The following PELP1 variants were observed in gnomAD, a reference collection of about 807,000 sequenced individuals.
PELP1 encodes proline, glutamate and leucine rich protein 1.
PELP1 carries 32 observed loss-of-function variants against 95.5 expected under a neutral mutation model. That is an observed-to-expected ratio of 0.34 (90% CI 0.25 to 0.45). The LOEUF (loss-of-function observed/expected upper bound fraction) is 0.45, where lower values mean the gene tolerates loss of function less well. Ranked by LOEUF, PELP1 falls within the 20% of genes least tolerant of loss-of-function variation. PELP1 has a pLI of 1.00. For missense variants in PELP1, 1,358 were observed against 1,444.8 expected (o/e 0.94, Z 0.97); for synonymous variants, 668 against 600.1 (o/e 1.11, Z -1.65).
chr17:4,682,800 C>CA lies in PELP1; in HGVS notation c.570+2dup. 6.4e-7 allele frequency: 1 copy of CA among 1,564,182 alleles called. No homozygotes were observed. Among genetic ancestry groups the CA allele is most frequent in the Non-Finnish European group, 8.6e-7 (1 of 1,158,938 alleles). Reference sequence around the variant, plus strand: ...TGGGGAAGGGTCCAGGGAGACATCTCACCTCTGGCCTGAGGCCCAGCAGGG... The same window carrying CA: ...TGGGGAAGGGTCCAGGGAGACATCTCAACCTCTGGCCTGAGGCCCAGCAGGG... On this transcript the variant is annotated splice_region_variant and intron_variant, in intron 4 of 16. Coordinates refer to ENST00000572293, the MANE Select transcript of PELP1 (RefSeq NM_014389.3).
At chr17:4,700,496 T>C (rs1021492142) in intron 1 of PELP1, among the ~76,000 whole-genome samples, 5 of 151,914 alleles carry the variant, frequency 3.3e-5, no homozygotes, top group African/African-American at 4.8e-5. Context: ...AATACAAAAT[T>C]AGCTGGGTAT....
At chr17:4,699,366 C>G (rs1362030627) in intron 1 of PELP1, among the ~76,000 whole-genome samples, 1 of 151,212 alleles carries the variant, frequency 6.6e-6, no homozygotes, top group African/African-American at 2.4e-5. Flanking sequence ...GGCAACAAAG[C>G]AAGACTCCAT....
rs1349995999 is a variant in PELP1 at position 4,674,791 on chromosome 17, G to A, written c.1422+18C>T. The A allele has an allele frequency of 1.2e-6, 2 of 1,604,262 alleles. No individual in the cohort carries two copies. Among genetic ancestry groups the A allele is most frequent in the Admixed American group, 1.7e-5 (1 of 59,356 alleles). ...AGGGCACAGGATGAGTCCTAAGGCG[G>A]AGCTGAGGCCTCCTCACCTTAAGGG... On this transcript the variant is annotated intron_variant, in intron 12 of 16. Coordinates refer to ENST00000572293, the MANE Select transcript of PELP1 (RefSeq NM_014389.3).
At chr17:4,689,651 A>C (rs994244244) in intron 3 of PELP1, among the ~76,000 whole-genome samples, 1 of 152,234 alleles carries the variant, frequency 6.6e-6, no homozygotes, top group African/African-American at 2.4e-5. Flanking sequence ...ACCCTTGCGC[A>C]CAATATTTTA....
chr17:4,679,965 C>G (rs1597449529), intron 5 of PELP1, among the ~76,000 whole-genome samples: 1 of 152,202 alleles, frequency 6.6e-6, no homozygotes, highest in East Asian at 1.9e-4. Flanking sequence ...CGATGGAACT[C>G]TGACTCACAG....
rs539882972 is a variant in PELP1, at chr17:4,687,372, A to G, written c.420+3516T>C. 2.6e-5 allele frequency among the ~76,000 whole-genome samples: 4 copies of G among 152,212 alleles called. No homozygotes were observed. The East Asian group carries it at 5.8e-4, about 22-fold the overall frequency. Reference sequence around the variant, plus strand: ...ATCCTGACTAACATGGTGAAACCCCATCTCTACGAAAAATACAAAAAATTA... The same window carrying G: ...ATCCTGACTAACATGGTGAAACCCCGTCTCTACGAAAAATACAAAAAATTA... On this transcript the variant is annotated intron_variant, in intron 3 of 16. Coordinates refer to ENST00000572293, the MANE Select transcript of PELP1 (RefSeq NM_014389.3).
rs1235247320 is a variant in PELP1, at chr17:4,675,490, C to A, written c.1069-128G>T. ...AAACCCAACCCCTGATCTCAGCTCT[C>A]CCAACAAAATCAAACCCCTATCCTC... On this transcript the variant is annotated intron_variant, in intron 9 of 16. Transcript: ENST00000572293. The surrounding 1 kb of genome is among the most constrained non-coding windows in gnomAD (Gnocchi z 4.3). The A allele has an allele frequency of 1.4e-6, 1 of 736,614 alleles. No individual in the cohort carries two copies. 45.6% of individuals were successfully genotyped at this position (736,614 alleles called of 1,614,324 possible).
Position 4,672,704 on chromosome 17 carries a change from G to A in PELP1, c.2287C>T (p.Pro763Ser). The A allele has an allele frequency of 6.2e-7, 1 of 1,613,430 alleles. No homozygotes were observed. Among genetic ancestry groups the A allele is most frequent in the Non-Finnish European group, 8.5e-7 (1 of 1,179,692 alleles). ...DETFGGRVPR[P>S]AFVHYDKEEA... is the part of the protein sequence containing the mutation. Reference sequence around the variant, plus strand: ...TCCTTGTCATAGTGGACAAAGGCTGGTCTGGGCACTCTCCCCCCAAAAGTT... The same window carrying A: ...TCCTTGTCATAGTGGACAAAGGCTGATCTGGGCACTCTCCCCCCAAAAGTT... The change falls in exon 16 of 17, where the codon CCA becomes TCA. Residue 763 changes from proline (P) to serine (S), a missense_variant. Pro to Ser is a moderately conservative substitution (Grantham distance 74, BLOSUM62 -1). Coordinates refer to ENST00000572293, the MANE Select transcript of PELP1 (RefSeq NM_014389.3).
At chr17:4,703,147 G>A (rs1913614263) in intron 1 of PELP1, among the ~76,000 whole-genome samples, 1 of 152,050 alleles carries the variant, frequency 6.6e-6, no homozygotes, top group South Asian at 2.1e-4. Context: ...CCCGACCACT[G>A]CCTACCCATC....
intron 1 of PELP1, among the ~76,000 whole-genome samples, chr17:4,699,145 C>T (rs147598089): frequency 3.9e-5 from 6 of 152,158 alleles, no homozygotes; most frequent in Non-Finnish European, 5.9e-5. Flanking sequence ...CTTCGAGTGC[C>T]GAGGCGGGCG....
In PELP1 at chr17:4,675,435, T is replaced by C; in HGVS notation, c.1069-73A>G. 3 of 984,948 alleles carry C rather than the reference T, an allele frequency of 3.0e-6. No individual in the cohort carries two copies. The highest frequency in any genetic ancestry group is 2.8e-5 in the South Asian group (2 of 72,422). The allele number at this position is 984,948 out of a possible 1,614,324, so 61.0% of individuals were successfully genotyped here. On this transcript the variant is annotated intron_variant, in intron 9 of 16. Coordinates refer to ENST00000572293, the MANE Select transcript of PELP1 (RefSeq NM_014389.3). This position sits in a 1 kb window ranked among gnomAD's most constrained non-coding sequence, Gnocchi z 4.3. ...GCCAGAGAGAGACAGAAACAGGGAA[T>C]GACCATTTACATATGTACACATAGG...
chr17:4,672,599 G>C lies in PELP1; in HGVS notation c.2392C>G (p.Leu798Val). Residue 798 changes from leucine (L) to valine (V), a missense_variant, in exon 16 of 17, where the codon CTG becomes GTG. Leu to Val is a conservative substitution (Grantham distance 32, BLOSUM62 1). Around this residue, in one of 7 missense-constraint regions of PELP1, gnomAD observed 340 missense variants for 322.9 expected, o/e 1.05. Coordinates refer to ENST00000572293, the MANE Select transcript of PELP1 (RefSeq NM_014389.3). Reference sequence around the variant, plus strand: ...GCACCTGAGGGTGGTGGGGGTGGCAGGGGGGGAAGCCCCTCGGGCACGATC... The same window carrying C: ...GCACCTGAGGGTGGTGGGGGTGGCACGGGGGGAAGCCCCTCGGGCACGATC... ...VVIVPEGLPP[L>V]PPPPPSGATP... 3.2e-6 allele frequency: 5 copies of C among 1,586,352 alleles called. No individual in the cohort carries two copies. The highest frequency in any genetic ancestry group is 1.7e-6 in the Non-Finnish European group (2 of 1,158,184).
Position 4,675,684 on chromosome 17 carries a change from T to C in PELP1, c.1068+113A>G. ...TGTTATTTGGACAAAAGTAGGAAGC[T>C]CTCTGGGACGACTCCAGGATGACAC... On this transcript the variant is annotated intron_variant, in intron 9 of 16. Transcript: ENST00000572293. This position sits in a 1 kb window ranked among gnomAD's most constrained non-coding sequence, Gnocchi z 4.3. The C allele has an allele frequency of 1.3e-6, 1 of 785,442 alleles. No individual in the cohort carries two copies. Among genetic ancestry groups the C allele is most frequent in the South Asian group, 1.5e-5 (1 of 68,174 alleles). The allele number at this position is 785,442 out of a possible 1,614,324, so 48.7% of individuals were successfully genotyped here. A position where few individuals can be genotyped will look rare whatever the true frequency, so the allele number is the denominator to read the frequency against.
chr17:4,675,746 T>C lies in PELP1; in HGVS notation c.1068+51A>G. On this transcript the variant is annotated intron_variant, in intron 9 of 16. Coordinates refer to ENST00000572293, the MANE Select transcript of PELP1 (RefSeq NM_014389.3). This position sits in a 1 kb window ranked among gnomAD's most constrained non-coding sequence, Gnocchi z 4.3. Reference sequence around the variant, plus strand: ...ACTCAGGTCCCCAGTACTTTCCTGGTTGCCTGGTATCCTGAGCAAGGGCTC... The same window carrying C: ...ACTCAGGTCCCCAGTACTTTCCTGGCTGCCTGGTATCCTGAGCAAGGGCTC... 1 of 1,320,474 alleles carries C rather than the reference T, an allele frequency of 7.6e-7. No individual in the cohort carries two copies. Among genetic ancestry groups the C allele is most frequent in the Non-Finnish European group, 1.1e-6 (1 of 935,308 alleles). The allele number at this position is 1,320,474 out of a possible 1,614,324, so 81.8% of individuals were successfully genotyped here.
rs778433808 is a variant in PELP1 at position 4,674,873 on chromosome 17, GCTC to G, written c.1355_1357del (p.Gly452del). The G allele has an allele frequency of 6.2e-7, 1 of 1,613,568 alleles. No homozygotes were observed. The highest frequency in any genetic ancestry group is 1.1e-5 in the South Asian group (1 of 91,072). Reference sequence around the variant, plus strand: ...GTGGGTGAGCAGGGCCTCTCCAGAGGCTCCTCCCTGAAGCATTCCCGCCGAGGC... The same window carrying G: ...GTGGGTGAGCAGGGCCTCTCCAGAGGCTCCCTGAAGCATTCCCGCCGAGGC... On this transcript the variant is annotated inframe_deletion, in exon 12 of 17. Transcript: ENST00000572293.
At position 4,671,565 on chromosome 17, in the gene PELP1, T is replaced by TTA. The variant is rs767866432; in HGVS notation, c.3301-35_3301-34insTA. The TTA allele has an allele frequency of 5.0e-6, 8 of 1,612,318 alleles. No individual in the cohort carries two copies. The African/African-American group carries it at 6.7e-5, about 13-fold the overall frequency. On this transcript the variant is annotated intron_variant, in intron 16 of 16. Transcript: ENST00000572293. ...CACAAAGATACAAGATTCAGAATAGTCACACACACATACACAGAAGAATGG... is the reference window on the plus strand; with the variant it reads ...CACAAAGATACAAGATTCAGAATAGTTACACACACACATACACAGAAGAATGG...
chr17:4,691,734 G>A (rs1438940115), intron 1 of PELP1: 4 of 401,132 alleles, frequency 1.0e-5, no homozygotes, highest in Non-Finnish European at 1.8e-5. Flanking sequence ...AGACTTCAAA[G>A]ATGGGTCTGC....
intron 1 of PELP1, among the ~76,000 whole-genome samples, chr17:4,703,125 C>T (rs554310768): frequency 6.6e-6 from 1 of 152,126 alleles, no homozygotes; most frequent in African/African-American, 2.4e-5. Context: ...CGGCCTAAAA[C>T]GCTCTGCATG....
In PELP1 at chr17:4,671,411, G is replaced by A; in HGVS notation, c.*28C>T. 4 of 1,202,792 alleles carry A rather than the reference G, an allele frequency of 3.3e-6. No homozygotes were observed. Among genetic ancestry groups the A allele is most frequent in the Non-Finnish European group, 5.0e-6 (4 of 804,762 alleles). 74.5% of individuals were successfully genotyped at this position (1,202,792 alleles called of 1,614,324 possible). ...GCTATCTAAGGACATAACTTTATTG[G>A]AAACAAAGAGTGGGGTGCAGAAGAT... On this transcript the variant is annotated 3_prime_UTR_variant, in exon 17 of 17. Coordinates refer to ENST00000572293, the MANE Select transcript of PELP1 (RefSeq NM_014389.3).
Sources: gnomAD v4.1 joint callset for allele counts (sites outside exome capture counted in the v4.1 genomes callset) on GRCh38, gnomAD v4.1.1 for gene constraint, gnomAD v4.1.1 regional missense constraint, Gnocchi (gnomAD v3.1) non-coding constraint, MANE v1.5 for transcripts, NCBI Gene and HGNC (gene_info 2026-07-23, HGNC 2026-07-21) for gene names.